Variants in NCALD observed in about 807,000 individuals in gnomAD.
The protein encoded by NCALD is neurocalcin delta, also known as neurocalcin-delta.
Under a neutral mutation model 18.6 loss-of-function variants are expected in NCALD, and 10 were observed. The observed-to-expected ratio is 0.54, with a 90% CI of 0.33 to 0.91. The LOEUF is 0.91. Among genes scored for constraint, NCALD ranks in the 40% least tolerant of loss-of-function variants. The pLI is 0.03. For missense variants in NCALD, 184 were observed against 247.6 expected, an observed-to-expected ratio of 0.74 and a Z score of 1.72; for synonymous variants, 88 against 87.4, an observed-to-expected ratio of 1.01 and a Z score of -0.04.
At chr8:101,995,166 A>T (rs1295245153) in intron 2 of NCALD, among the ~76,000 whole-genome samples, 3 of 152,226 alleles carry the variant, frequency 2.0e-5, no homozygotes, top group Non-Finnish European at 4.4e-5. Context: ...CTCTGTCATT[A>T]TCCTTCTGAT....
chr8:101,857,499 G>A (rs188893844), intron 4 of NCALD, among the ~76,000 whole-genome samples: 2 of 152,258 alleles, frequency 1.3e-5, no homozygotes, highest in East Asian at 1.9e-4. Context: ...ATATAATAGG[G>A]ACTTCAGACT....
At chr8:101,800,665 A>C (rs905812900) in intron 4 of NCALD, among the ~76,000 whole-genome samples, 2 of 151,676 alleles carry the variant, frequency 1.3e-5, no homozygotes, top group Admixed American at 6.6e-5. Flanking sequence ...AGAAAGGCTA[A>C]AAGTAAAAAG....
chr8:101,871,743 G>A, intron 4 of NCALD: 1 of 216,886 alleles, frequency 4.6e-6, no homozygotes. Context: ...CTAAAAACCA[G>A]AAGGATTCAT....
intron 4 of NCALD, among the ~76,000 whole-genome samples, chr8:101,841,981 C>A (rs1327211399): frequency 6.6e-6 from 1 of 152,156 alleles, no homozygotes; most frequent in Admixed American, 6.5e-5. Flanking sequence ...CAAAGTACCA[C>A]ACACTAAGTG....
intron 1 of NCALD, among the ~76,000 whole-genome samples, chr8:101,730,479 C>CAAAAAAAAA (rs869241027): frequency 4.4e-4 from 19 of 43,664 alleles, no homozygotes; most frequent in South Asian, 1.2e-3. Flanking sequence ...GACTCCATCT[C>CAAAAAAAAA]AAAAAAAAAA....
intron 1 of NCALD, among the ~76,000 whole-genome samples, chr8:102,032,347 G>A (rs73697432): frequency 0.083 from 12,519 of 151,208 alleles, 604 homozygotes; most frequent in African/African-American, 0.12. Context: ...TGATGATAGC[G>A]AAAAAAAAGA....
chr8:102,087,262 G>C (rs1263079348), intron 1 of NCALD, among the ~76,000 whole-genome samples: 1 of 152,082 alleles, frequency 6.6e-6, no homozygotes, highest in East Asian at 1.9e-4. Flanking sequence ...AGGGACTGTA[G>C]TGAAGAAACC....
chr8:102,013,354 T>C (rs533588165), intron 2 of NCALD, among the ~76,000 whole-genome samples: 1 of 152,346 alleles, frequency 6.6e-6, no homozygotes, highest in African/African-American at 2.4e-5. Context: ...CATTCTCCAA[T>C]ACAGCAGCAC....
chr8:101,913,768 G>A (rs779020028), intron 3 of NCALD, among the ~76,000 whole-genome samples: 56 of 152,242 alleles, frequency 3.7e-4, no homozygotes, highest in Non-Finnish European at 6.5e-4. Context: ...TTTTAGTAGA[G>A]ATGGGGCTTC....
At chr8:101,725,266 A>G (rs975438516) in intron 1 of NCALD, among the ~76,000 whole-genome samples, 1 of 152,158 alleles carries the variant, frequency 6.6e-6, no homozygotes, top group African/African-American at 2.4e-5. Context: ...GCTGAACATC[A>G]AGGGAGAAGA....
intron 2 of NCALD, among the ~76,000 whole-genome samples, chr8:101,940,188 T>C (rs970212004): frequency 1.3e-5 from 2 of 152,316 alleles, no homozygotes; most frequent in South Asian, 4.2e-4. Flanking sequence ...GCATGCAGCA[T>C]GTAGAAATGA....
intron 1 of NCALD, among the ~76,000 whole-genome samples, chr8:102,034,046 ACG>A (rs1491050587): frequency 1.4e-5 from 2 of 145,468 alleles, no homozygotes; most frequent in South Asian, 2.3e-4. Context: ...ACACACACAC[ACG>A]CAGCTTTGTG....
At chr8:101,818,079 G>T (rs1457458087) in intron 4 of NCALD, among the ~76,000 whole-genome samples, 1 of 152,130 alleles carries the variant, frequency 6.6e-6, no homozygotes, top group Non-Finnish European at 1.5e-5. Flanking sequence ...GCCCTGGGAA[G>T]TATTTGGGCT....
At chr8:101,762,569 A>T (rs1811156651) in intron 1 of NCALD, among the ~76,000 whole-genome samples, 1 of 151,760 alleles carries the variant, frequency 6.6e-6, no homozygotes, top group Non-Finnish European at 1.5e-5. Flanking sequence ...GTCTACAGAC[A>T]CTGCTATCTG....
intron 1 of NCALD, among the ~76,000 whole-genome samples, chr8:101,726,700 T>C (rs1816588125): frequency 6.6e-6 from 1 of 152,116 alleles, no homozygotes; most frequent in Non-Finnish European, 1.5e-5. Flanking sequence ...CAGTTGAATA[T>C]ATAAGTCTAT....
Position 101,687,189 on chromosome 8 carries a change from A to C in NCALD, c.*2120T>G, listed in dbSNP as rs1340310758. On this transcript the variant is annotated 3_prime_UTR_variant, in exon 4 of 4. Transcript: ENST00000220931. ...GATGTCATGACTAAGGGCAGAGCCC[A>C]GGCAGGTTTCTCAAAACATTAACTG... 1 of 152,482 alleles carries C rather than the reference A, an allele frequency of 6.6e-6. No homozygotes were observed. The highest frequency in any genetic ancestry group is 1.9e-4 in the East Asian group (1 of 5,200). 9.4% of individuals were successfully genotyped at this position (152,482 alleles called of 1,614,324 possible).
At position 101,688,105 on chromosome 8, in the gene NCALD, T is replaced by C. The variant is rs1814545018; in HGVS notation, c.*1204A>G. 6.6e-6 allele frequency: 1 copy of C among 152,590 alleles called. No homozygotes were observed. The highest frequency in any genetic ancestry group is 1.9e-4 in the East Asian group (1 of 5,208). 9.5% of individuals were successfully genotyped at this position (152,590 alleles called of 1,614,324 possible). ...TGGGAAGTTCCAAGAATGTATGTGATGTTTTTTCGAGTCTGCAGAGTATTG... is the reference window on the plus strand; with the variant it reads ...TGGGAAGTTCCAAGAATGTATGTGACGTTTTTTCGAGTCTGCAGAGTATTG... On this transcript the variant is annotated 3_prime_UTR_variant, in exon 4 of 4. Coordinates refer to ENST00000220931, the MANE Select transcript of NCALD (RefSeq NM_032041.3).
chr8:101,800,646 C>G (rs554530256), intron 4 of NCALD, among the ~76,000 whole-genome samples: 33 of 151,436 alleles, frequency 2.2e-4, no homozygotes, highest in African/African-American at 6.3e-4. Flanking sequence ...ACTTTGAAAT[C>G]AAGAGTACAG....
chr8:102,003,357 A>G (rs1213558961), intron 2 of NCALD, among the ~76,000 whole-genome samples: 1 of 152,272 alleles, frequency 6.6e-6, no homozygotes, highest in Non-Finnish European at 1.5e-5. Flanking sequence ...GAATAGTCCA[A>G]TAACAGGCTC....
Sources: allele counts gnomAD v4.1 joint callset (sites outside exome capture counted in the v4.1 genomes callset), GRCh38; gene constraint gnomAD v4.1.1; transcripts MANE v1.5; gene names NCBI Gene and HGNC (gene_info 2026-07-23, HGNC 2026-07-21).